KATNBL1: variants seen among roughly 807,000 people sequenced by gnomAD.
KATNBL1 encodes KATNB1-like protein 1.
A neutral mutation model predicts 44.7 loss-of-function variants in KATNBL1; 28 were observed. The observed-to-expected ratio is 0.63, with a 90% CI of 0.46 to 0.86. The LOEUF is 0.86. KATNBL1 is among the 40% of genes least tolerant of loss of function. KATNBL1 has a pLI of 0.00. For missense variants in KATNBL1, 272 were observed against 350.7 expected, an observed-to-expected ratio of 0.78 and a Z score of 1.79; for synonymous variants, 78 against 114.9, an observed-to-expected ratio of 0.68 and a Z score of 2.06.
At chr15:34,181,528 C>G (rs1339414530) in intron 1 of KATNBL1, among the ~76,000 whole-genome samples, 1 of 146,704 alleles carries the variant, frequency 6.8e-6, no homozygotes, top group East Asian at 2.0e-4. Context: ...AGGGAGAAAA[C>G]ACAAAACATT....
chr15:34,191,551 C>T (rs996721483), intron 1 of KATNBL1, among the ~76,000 whole-genome samples: 3 of 151,904 alleles, frequency 2.0e-5, no homozygotes, highest in East Asian at 1.9e-4. Flanking sequence ...TCTGATCAGC[C>T]GTGTATGAGA....
chr15:34,208,183 G>T (rs1220884275), intron 1 of KATNBL1, among the ~76,000 whole-genome samples: 2 of 152,044 alleles, frequency 1.3e-5, no homozygotes. Context: ...CCGAGATTCT[G>T]GTGCACCCAT....
chr15:34,149,104 GT>G (rs1466620829), intron 4 of KATNBL1, among the ~76,000 whole-genome samples: 4 of 152,162 alleles, frequency 2.6e-5, no homozygotes, highest in Non-Finnish European at 5.9e-5. Flanking sequence ...CAAAAACTCA[GT>G]TTTTGACAAG....
At chr15:34,194,319 T>C (rs918252675) in intron 1 of KATNBL1, among the ~76,000 whole-genome samples, 4 of 152,006 alleles carry the variant, frequency 2.6e-5, no homozygotes, top group African/African-American at 7.3e-5. Context: ...TTTGAAAATA[T>C]GATTTAGGGC....
intron 1 of KATNBL1, among the ~76,000 whole-genome samples, chr15:34,190,933 T>C (rs1389640108): frequency 6.6e-6 from 1 of 152,062 alleles, no homozygotes; most frequent in East Asian, 1.9e-4. Flanking sequence ...GATAGATGAC[T>C]CAGTGTTCTC....
intron 1 of KATNBL1, among the ~76,000 whole-genome samples, chr15:34,172,372 TCAGCCTCCTGAGTACCTGGGATTACG>T (rs770232951): frequency 6.7e-6 from 1 of 149,550 alleles, no homozygotes; most frequent in Non-Finnish European, 1.5e-5. Flanking sequence ...TTCTCCTGCC[TCAGCCTCCTGAGTACCTGGGATTACG>T]GGCTCCCGTC....
At position 34,184,113 on chromosome 15, in the gene KATNBL1, C is replaced by T. The variant is rs1320797045; in HGVS notation, c.-14-20423G>A. On this transcript the variant is annotated intron_variant, in intron 1 of 9. Coordinates refer to ENST00000256544, the MANE Select transcript of KATNBL1 (RefSeq NM_024713.3). ...GGTCAGGAGATCGAGACCATCCTGG[C>T]TAACCCGGTGAAACCCCGTCTCTAC... 2.6e-5 allele frequency among the ~76,000 whole-genome samples: 4 copies of T among 152,278 alleles called. No individual in the cohort carries two copies. The East Asian group carries it at 7.7e-4, about 29-fold the overall frequency.
chr15:34,149,111 A>G (rs1169138690), intron 4 of KATNBL1, among the ~76,000 whole-genome samples: 5 of 152,236 alleles, frequency 3.3e-5, no homozygotes, highest in Non-Finnish European at 5.9e-5. Context: ...TCAGTTTTTG[A>G]CAAGTGTTGT....
intron 1 of KATNBL1, among the ~76,000 whole-genome samples, chr15:34,183,521 C>T (rs1417551087): frequency 6.6e-6 from 1 of 152,168 alleles, no homozygotes; most frequent in Non-Finnish European, 1.5e-5. Context: ...GCTCTATAAC[C>T]TTGGAAACAG....
chr15:34,173,489 G>GT (rs1889233375), intron 1 of KATNBL1, among the ~76,000 whole-genome samples: 1 of 152,050 alleles, frequency 6.6e-6, no homozygotes, highest in African/African-American at 2.4e-5. Context: ...TAAGAGAAAC[G>GT]TATCTTCAGA....
chr15:34,201,484 T>C (rs945067170), intron 1 of KATNBL1, among the ~76,000 whole-genome samples: 1 of 152,232 alleles, frequency 6.6e-6, no homozygotes, highest in African/African-American at 2.4e-5. Context: ...TTGAATTTTG[T>C]ATAATGTGCA....
chr15:34,184,402 T>A (rs904056067), intron 1 of KATNBL1, among the ~76,000 whole-genome samples: 1 of 149,646 alleles, frequency 6.7e-6, no homozygotes, highest in Admixed American at 6.7e-5. Context: ...GGGAGGCCAA[T>A]GCTACAGTGA....
At chr15:34,190,652 G>C (rs1205388042) in intron 1 of KATNBL1, among the ~76,000 whole-genome samples, 3 of 152,126 alleles carry the variant, frequency 2.0e-5, no homozygotes, top group African/African-American at 4.8e-5. Flanking sequence ...CTTTACAATG[G>C]ATAAATCAGG....
intron 1 of KATNBL1, among the ~76,000 whole-genome samples, chr15:34,168,526 T>C (rs1213577295): frequency 1.3e-5 from 2 of 152,016 alleles, no homozygotes; most frequent in Non-Finnish European, 2.9e-5. Context: ...ATTAGACAGA[T>C]CAGTGAGACA....
intron 2 of KATNBL1, among the ~76,000 whole-genome samples, chr15:34,159,794 GAATT>G (rs1282559626): frequency 1.3e-5 from 2 of 152,278 alleles, no homozygotes; most frequent in Admixed American, 6.5e-5. Context: ...CCTGCATCCG[GAATT>G]AATAAATTTG....
intron 4 of KATNBL1, among the ~76,000 whole-genome samples, chr15:34,152,472 ACT>A (rs558259093): frequency 3.9e-5 from 6 of 152,226 alleles, no homozygotes; most frequent in Non-Finnish European, 4.4e-5. Context: ...GGCGTGAGCC[ACT>A]GTGTCCGGCC....
At chr15:34,168,332 G>C (rs1889049108) in intron 1 of KATNBL1, among the ~76,000 whole-genome samples, 1 of 152,052 alleles carries the variant, frequency 6.6e-6, no homozygotes, top group Admixed American at 6.6e-5. Context: ...AAGATCAAAA[G>C]AGACAAAGAA....
intron 1 of KATNBL1, among the ~76,000 whole-genome samples, chr15:34,196,192 T>C (rs560561454): frequency 6.6e-6 from 1 of 151,942 alleles, no homozygotes; most frequent in Admixed American, 6.5e-5. Context: ...CCAAGTGGGA[T>C]GGATCACCTG....
At chr15:34,176,812 T>G (rs1198988413) in intron 1 of KATNBL1, among the ~76,000 whole-genome samples, 2 of 152,240 alleles carry the variant, frequency 1.3e-5, no homozygotes, top group Non-Finnish European at 2.9e-5. Flanking sequence ...ATTTATACAC[T>G]ACAAATTCCA....
Sources: allele counts gnomAD v4.1 joint callset (sites outside exome capture counted in the v4.1 genomes callset), GRCh38; gene constraint gnomAD v4.1.1; transcripts MANE v1.5; gene names NCBI Gene and HGNC (gene_info 2026-07-23, HGNC 2026-07-21).